AKAP19: variants seen among roughly 807,000 people sequenced by gnomAD.
AKAP19 encodes the protein small A-kinase anchoring protein.
chr2:190,174,660 T>TA, the AKAP19 span, among the ~76,000 whole-genome samples: 65 of 152,008 alleles, frequency 4.3e-4, no homozygotes, highest in South Asian at 2.5e-3. Context: ...ATGCCCTAAG[T>TA]AAAAAAAACA....
chr2:189,927,773 C>CT, the AKAP19 span, among the ~76,000 whole-genome samples: 1 of 152,128 alleles, frequency 6.6e-6, no homozygotes, highest in Non-Finnish European at 1.5e-5. Flanking sequence ...TAAGCCTGTG[C>CT]TGTTCAGTCT....
At chr2:190,147,015 G>A in the AKAP19 span, among the ~76,000 whole-genome samples, 6 of 152,218 alleles carry the variant, frequency 3.9e-5, no homozygotes, top group Admixed American at 2.0e-4. Flanking sequence ...TTAGGTCCCA[G>A]CTGTTTATCT....
chr2:190,127,638 A>G, the AKAP19 span, among the ~76,000 whole-genome samples: 2 of 152,230 alleles, frequency 1.3e-5, no homozygotes, highest in Non-Finnish European at 2.9e-5. Flanking sequence ...TAATGTGTTA[A>G]TCTAAATCTG....
chr2:190,114,612 T>C, the AKAP19 span, among the ~76,000 whole-genome samples: 2 of 152,096 alleles, frequency 1.3e-5, no homozygotes, highest in Non-Finnish European at 2.9e-5. Flanking sequence ...CCCGCCACCA[T>C]GCCTGGCTAA....
At chr2:189,968,649 G>T in the AKAP19 span, among the ~76,000 whole-genome samples, 6 of 152,172 alleles carry the variant, frequency 3.9e-5, no homozygotes, top group African/African-American at 1.4e-4. Context: ...AAATAAAAGG[G>T]TGCAGAAAGG....
the AKAP19 span, among the ~76,000 whole-genome samples, chr2:190,060,968 T>G: frequency 6.6e-6 from 1 of 152,146 alleles, no homozygotes; most frequent in East Asian, 1.9e-4. Context: ...GGAATAACCT[T>G]TTAAAGGAGC....
the AKAP19 span, among the ~76,000 whole-genome samples, chr2:189,947,256 C>T: frequency 2.0e-5 from 3 of 152,132 alleles, no homozygotes; most frequent in Admixed American, 2.0e-4. Context: ...TCTTAATTTC[C>T]ATCCTATTCC....
At chr2:189,932,489 T>A in the AKAP19 span, among the ~76,000 whole-genome samples, 8 of 151,952 alleles carry the variant, frequency 5.3e-5, no homozygotes, top group East Asian at 1.4e-3. Context: ...CCACTTCTAA[T>A]ATATATACCA....
the AKAP19 span, among the ~76,000 whole-genome samples, chr2:189,972,900 T>A: frequency 6.6e-6 from 1 of 152,368 alleles, no homozygotes; most frequent in Non-Finnish European, 1.5e-5. Flanking sequence ...GATGGGCTTT[T>A]CTAAATATAC....
At chr2:190,194,543 C>T in the AKAP19 span, among the ~76,000 whole-genome samples, 2 of 151,512 alleles carry the variant, frequency 1.3e-5, no homozygotes, top group African/African-American at 4.9e-5. Flanking sequence ...CTAGACACAT[C>T]GCAATCACCT....
the AKAP19 span, among the ~76,000 whole-genome samples, chr2:190,141,628 C>A: frequency 4.3e-4 from 66 of 152,102 alleles, no homozygotes; most frequent in Non-Finnish European, 1.2e-4. Context: ...GGGTAACCAC[C>A]CCCATGATTC....
chr2:190,149,286 T>A, the AKAP19 span, among the ~76,000 whole-genome samples: 21 of 152,284 alleles, frequency 1.4e-4, no homozygotes, highest in African/African-American at 4.1e-4. Flanking sequence ...CAGCTTTTTT[T>A]TTCATTTATC....
At chr2:190,138,999 C>T in the AKAP19 span, among the ~76,000 whole-genome samples, 33 of 143,432 alleles carry the variant, frequency 2.3e-4, no homozygotes, top group Admixed American at 1.0e-3. Flanking sequence ...ATTCTTTTCA[C>T]AAGCCTTTGT....
At chr2:189,936,226 C>T in the AKAP19 span, among the ~76,000 whole-genome samples, 1 of 151,004 alleles carries the variant, frequency 6.6e-6, no homozygotes, top group South Asian at 2.1e-4. Context: ...TTTTGAATGT[C>T]ATAGACTTGA....
the AKAP19 span, among the ~76,000 whole-genome samples, chr2:190,142,023 T>C: frequency 5.3e-5 from 8 of 152,190 alleles, no homozygotes; most frequent in African/African-American, 1.9e-4. Context: ...GTGGGTCCCA[T>C]GTGCATATTC....
chr2:190,085,112 C>T, the AKAP19 span, among the ~76,000 whole-genome samples: 4 of 152,058 alleles, frequency 2.6e-5, no homozygotes, highest in Admixed American at 2.6e-4. Context: ...AGGAGGACTC[C>T]CTTTTAACCA....
At chr2:190,050,837 T>A in the AKAP19 span, among the ~76,000 whole-genome samples, 3 of 152,200 alleles carry the variant, frequency 2.0e-5, no homozygotes, top group Admixed American at 2.0e-4. Flanking sequence ...CCCTCCCTCA[T>A]GAGCTGAACT....
At chr2:190,038,914 T>TTCTTCTTCTTCTTCTTCTTCTTCTTCC in the AKAP19 span, among the ~76,000 whole-genome samples, 20 of 127,064 alleles carry the variant, frequency 1.6e-4, 1 homozygote, top group African/African-American at 6.0e-4. Flanking sequence ...CTTCTTCTTC[T>TTCTTCTTCTTCTTCTTCTTCTTCTTCC]TCTTCTTCTT....
the AKAP19 span, among the ~76,000 whole-genome samples, chr2:190,081,893 C>T: frequency 6.6e-6 from 1 of 152,134 alleles, no homozygotes; most frequent in Non-Finnish European, 1.5e-5. Flanking sequence ...CCAAGGGGAC[C>T]CCAGAGAAAC....
Sources: allele counts gnomAD v4.1 joint callset (sites outside exome capture counted in the v4.1 genomes callset), GRCh38; gene constraint gnomAD v4.1.1; transcripts MANE v1.5; gene names NCBI Gene and HGNC (gene_info 2026-07-23, HGNC 2026-07-21).